RNF150: variants seen among roughly 807,000 people sequenced by gnomAD.
The protein encoded by RNF150 is ring finger protein 150.
In RNF150, 24 loss-of-function variants were observed where a neutral mutation model predicts 39.3. The observed-to-expected ratio is 0.61, with a 90% CI of 0.44 to 0.86. The LOEUF is 0.86. Among genes scored for constraint, RNF150 ranks in the 40% least tolerant of loss-of-function variants. RNF150 has a pLI of 0.00. For synonymous variants in RNF150, 255 were observed against 227.3 expected (o/e 1.12, Z -1.10); for missense variants, 502 against 587.8 (o/e 0.85, Z 1.51).
At chr4:141,178,084 C>T (rs1727846097) in intron 1 of RNF150, among the ~76,000 whole-genome samples, 2 of 151,966 alleles carry the variant, frequency 1.3e-5, no homozygotes, top group African/African-American at 2.4e-5. Flanking sequence ...TCATTAAACC[C>T]CTAGAATGTA....
At chr4:140,896,687 T>TAAAAAAAAAA (rs368166601) in intron 6 of RNF150, among the ~76,000 whole-genome samples, 2 of 79,248 alleles carry the variant, frequency 2.5e-5, no homozygotes, top group African/African-American at 4.2e-5. Context: ...TAGAGTATAA[T>TAAAAAAAAAA]AAAAAAAAAA....
chr4:140,940,110 C>G (rs1370814568), intron 4 of RNF150, among the ~76,000 whole-genome samples: 1 of 152,166 alleles, frequency 6.6e-6, no homozygotes, highest in African/African-American at 2.4e-5. Flanking sequence ...TAATCCAGGC[C>G]TCTCAGCCAG....
At chr4:140,883,240 G>T (rs1027335036) in intron 6 of RNF150, among the ~76,000 whole-genome samples, 3 of 151,976 alleles carry the variant, frequency 2.0e-5, no homozygotes, top group African/African-American at 7.3e-5. Context: ...CATTAAAGTA[G>T]TTTTTTTCAC....
intron 1 of RNF150, among the ~76,000 whole-genome samples, chr4:141,086,805 C>T (rs1373596793): frequency 2.6e-5 from 4 of 151,568 alleles, no homozygotes; most frequent in Non-Finnish European, 5.9e-5. Flanking sequence ...ATAGAATTGA[C>T]ACTTCCTTGT....
chr4:141,027,312 G>A (rs1214514233), intron 1 of RNF150, among the ~76,000 whole-genome samples: 1 of 152,124 alleles, frequency 6.6e-6, no homozygotes, highest in Non-Finnish European at 1.5e-5. Context: ...CATGATTTAG[G>A]ATATAGGTTC....
chr4:141,172,306 G>T (rs564191192), intron 1 of RNF150, among the ~76,000 whole-genome samples: 2 of 152,262 alleles, frequency 1.3e-5, no homozygotes, highest in Admixed American at 1.3e-4. Context: ...GCTTGGAACT[G>T]CCAGAGTCCC....
chr4:140,896,705 A>T (rs1420141107), intron 6 of RNF150, among the ~76,000 whole-genome samples: 15 of 85,628 alleles, frequency 1.8e-4, no homozygotes, highest in Admixed American at 1.5e-3. Flanking sequence ...AAAAAACAAA[A>T]AAACAAACAA....
chr4:140,991,178 CTTTTTAATGGGGTTGTTTG>C (rs1308383992), intron 1 of RNF150, among the ~76,000 whole-genome samples: 2 of 152,042 alleles, frequency 1.3e-5, no homozygotes, highest in Admixed American at 1.3e-4. Flanking sequence ...CATTTGCCCA[CTTTTTAATGGGGTTGTTTG>C]TTTTTTTCTT....
intron 1 of RNF150, among the ~76,000 whole-genome samples, chr4:141,028,488 G>C (rs181455495): frequency 6.6e-6 from 1 of 152,104 alleles, no homozygotes; most frequent in Non-Finnish European, 1.5e-5. Context: ...TGCCATAATC[G>C]TTATAGGCAG....
chr4:141,132,861 C>G lies in RNF150; in HGVS notation c.-53G>C. 1 of 1,483,386 alleles carries G rather than the reference C, an allele frequency of 6.7e-7. No individual in the cohort carries two copies. The highest frequency in any genetic ancestry group is 2.4e-5 in the East Asian group (1 of 42,396). The allele number at this position is 1,483,386 out of a possible 1,614,324, so 91.9% of individuals were successfully genotyped here. ...CCCCGCGCCCTCCCTCCGTCCCGTC[C>G]CTCCTCCCCAGCCCCGGCCAACCCC... On this transcript the variant is annotated 5_prime_UTR_variant, in exon 1 of 7. Coordinates refer to ENST00000515673, the MANE Select transcript of RNF150 (RefSeq NM_020724.2). The surrounding 1 kb of genome is among the most constrained non-coding windows in gnomAD (Gnocchi z 4.9).
chr4:141,000,057 A>G (rs370117655), intron 1 of RNF150, among the ~76,000 whole-genome samples: 1,158 of 95,476 alleles, frequency 0.012, 126 homozygotes, highest in South Asian at 0.024. Flanking sequence ...GAAGAAGAAG[A>G]AGAAGAAGAA....
intron 2 of RNF150, among the ~76,000 whole-genome samples, chr4:140,959,015 C>A (rs1038431294): frequency 2.6e-5 from 4 of 152,136 alleles, no homozygotes; most frequent in African/African-American, 9.7e-5. Context: ...TAAAAGGTTT[C>A]CTTCACCTGA....
intron 1 of RNF150, among the ~76,000 whole-genome samples, chr4:141,073,673 A>C (rs569355615): frequency 2.0e-5 from 3 of 151,446 alleles, no homozygotes; most frequent in African/African-American, 7.2e-5. Context: ...CGGGGGGGGA[A>C]GTCTAGGGAA....
intron 1 of RNF150, among the ~76,000 whole-genome samples, chr4:141,164,536 G>A (rs1455855681): frequency 6.6e-6 from 1 of 152,140 alleles, no homozygotes; most frequent in Non-Finnish European, 1.5e-5. Flanking sequence ...AGGAAAAAAT[G>A]TTATAGGCAT....
intron 1 of RNF150, among the ~76,000 whole-genome samples, chr4:141,104,356 A>C (rs1739126727): frequency 6.6e-6 from 1 of 152,222 alleles, no homozygotes; most frequent in Non-Finnish European, 1.5e-5. Flanking sequence ...CTCAGTGCAG[A>C]AACCTTTTTC....
chr4:141,005,106 T>C (rs1029224389), intron 1 of RNF150, among the ~76,000 whole-genome samples: 6 of 152,178 alleles, frequency 3.9e-5, no homozygotes, highest in African/African-American at 1.4e-4. Flanking sequence ...TTGTCAAGTA[T>C]GACCCCATGA....
rs142354182 is a variant in RNF150, at chr4:140,898,447, G to A, written c.1198+12697C>T. On this transcript the variant is annotated intron_variant, in intron 6 of 6. Coordinates refer to ENST00000515673, the MANE Select transcript of RNF150 (RefSeq NM_020724.2). ...GGTACTGAGTAACATGTATGTATGC[G>A]TGCAGTCATGCATTTATGCTAGATA... Among the ~76,000 whole-genome samples the A allele has an allele frequency of 1.5e-3, 234 of 152,238 alleles. 2 individuals carry two copies. The highest frequency in any genetic ancestry group is 5.2e-3 in the African/African-American group (218 of 41,550).
intron 1 of RNF150, among the ~76,000 whole-genome samples, chr4:141,039,441 G>A (rs1211687824): frequency 6.6e-6 from 1 of 151,312 alleles, no homozygotes; most frequent in African/African-American, 2.4e-5. Context: ...AGAAAAGAGG[G>A]AACAAGAGAG....
intron 1 of RNF150, among the ~76,000 whole-genome samples, chr4:141,188,044 G>A (rs904457208): frequency 7.2e-5 from 11 of 152,112 alleles, no homozygotes; most frequent in African/African-American, 2.4e-4. Context: ...CAAGCCTGGT[G>A]GTGACAAAAT....
Sources: gnomAD v4.1 joint callset for allele counts (sites outside exome capture counted in the v4.1 genomes callset) on GRCh38, gnomAD v4.1.1 for gene constraint, Gnocchi (gnomAD v3.1) non-coding constraint, MANE v1.5 for transcripts, NCBI Gene and HGNC (gene_info 2026-07-23, HGNC 2026-07-21) for gene names.